FCHO2: variants seen among roughly 807,000 people sequenced by gnomAD.
FCHO2 encodes the protein FCH and mu domain containing endocytic adaptor 2.
In FCHO2, 43 loss-of-function variants were observed where a neutral mutation model predicts 114.1. That is an observed-to-expected ratio of 0.38 (90% CI 0.30 to 0.49). The LOEUF is 0.49. FCHO2 is among the 20% of genes least tolerant of loss of function. The pLI is 0.97. For missense variants in FCHO2, 807 were observed against 950.4 expected (o/e 0.85, Z 1.98); for synonymous variants, 293 against 315.2 (o/e 0.93, Z 0.75).
intron 6 of FCHO2, among the ~76,000 whole-genome samples, chr5:73,013,027 T>C (rs549699425): frequency 7.2e-5 from 11 of 152,298 alleles, no homozygotes; most frequent in South Asian, 2.1e-4. Context: ...TGAGAAAATA[T>C]CTTGTTTATT....
intron 2 of FCHO2, among the ~76,000 whole-genome samples, chr5:72,975,413 G>T (rs530381914): frequency 2.9e-4 from 44 of 151,978 alleles, no homozygotes; most frequent in Non-Finnish European, 5.7e-4. Context: ...TGTAACTTCT[G>T]CCCCCTGGAT....
chr5:72,964,114 G>A (rs928679545), intron 1 of FCHO2, among the ~76,000 whole-genome samples: 8 of 151,568 alleles, frequency 5.3e-5, no homozygotes, highest in Admixed American at 3.3e-4. Flanking sequence ...TACAGAAAAC[G>A]CAAAATATAT....
At chr5:72,962,822 G>T (rs1490964254) in intron 1 of FCHO2, among the ~76,000 whole-genome samples, 2 of 152,008 alleles carry the variant, frequency 1.3e-5, no homozygotes, top group African/African-American at 4.8e-5. Flanking sequence ...GAACCCGGGT[G>T]GCAGAGGTTG....
chr5:72,976,946 G>A (rs1374756510), intron 2 of FCHO2, among the ~76,000 whole-genome samples: 3 of 152,138 alleles, frequency 2.0e-5, no homozygotes, highest in African/African-American at 7.2e-5. Context: ...TCCCTGCAAA[G>A]GACATGAACT....
intron 1 of FCHO2, among the ~76,000 whole-genome samples, chr5:72,966,194 A>G (rs1042889293): frequency 6.6e-6 from 1 of 152,230 alleles, no homozygotes; most frequent in South Asian, 2.1e-4. Context: ...CTTGAGCAAC[A>G]TAGCGAGACC....
chr5:73,017,118 G>T, intron 7 of FCHO2, 94 bp from the exon 8 acceptor site: 1 of 721,616 alleles, frequency 1.4e-6, no homozygotes, highest in Non-Finnish European at 2.1e-6. Context: ...TACATATTTT[G>T]ATATAATTAA....
intron 2 of FCHO2, among the ~76,000 whole-genome samples, chr5:72,970,620 G>A (rs1752473199): frequency 6.6e-6 from 1 of 151,176 alleles, no homozygotes; most frequent in African/African-American, 2.4e-5. Context: ...TTTTCACAGG[G>A]TATCAGTCTC....
At chr5:73,042,399 A>ATCAATTAAAT (rs1756845513) in intron 11 of FCHO2, among the ~76,000 whole-genome samples, 1 of 152,160 alleles carries the variant, frequency 6.6e-6, no homozygotes, top group African/African-American at 2.4e-5. Flanking sequence ...GTAGCATTAA[A>ATCAATTAAAT]TTGATGATGT....
chr5:73,019,015 T>C (rs1755465604), intron 8 of FCHO2, among the ~76,000 whole-genome samples: 1 of 152,216 alleles, frequency 6.6e-6, no homozygotes, highest in Admixed American at 6.5e-5. Context: ...CACTGAAGTC[T>C]AAACTAAGCT....
chr5:72,961,768 AT>A (rs1751888305), intron 1 of FCHO2, among the ~76,000 whole-genome samples: 1 of 151,828 alleles, frequency 6.6e-6, no homozygotes, highest in Non-Finnish European at 1.5e-5. Flanking sequence ...CTAATTTTGT[AT>A]TTTTAGTAGA....
At chr5:73,085,918 T>A (rs564873662) in intron 24 of FCHO2, among the ~76,000 whole-genome samples, 1 of 151,922 alleles carries the variant, frequency 6.6e-6, no homozygotes, top group Admixed American at 6.6e-5. Flanking sequence ...AGGTCAGGAA[T>A]TCAAGACCAG....
At chr5:72,979,536 C>T (rs1449616444) in intron 2 of FCHO2, among the ~76,000 whole-genome samples, 4 of 149,886 alleles carry the variant, frequency 2.7e-5, no homozygotes, top group Middle Eastern at 3.4e-3. Context: ...GGACTACAGG[C>T]GCCCGCTACC....
intron 5 of FCHO2, among the ~76,000 whole-genome samples, chr5:72,993,229 A>G (rs1010988892): frequency 6.6e-6 from 1 of 152,108 alleles, no homozygotes; most frequent in Admixed American, 6.6e-5. Flanking sequence ...GCTAATTAGA[A>G]AACTTGGAAA....
chr5:73,074,086 C>T (rs929312588), intron 19 of FCHO2, among the ~76,000 whole-genome samples: 8 of 151,774 alleles, frequency 5.3e-5, no homozygotes, highest in African/African-American at 1.9e-4. Flanking sequence ...TGAACACTTG[C>T]ATAAATTTGT....
At chr5:73,080,737 GGT>G (rs1743065791) in intron 22 of FCHO2, among the ~76,000 whole-genome samples, 1 of 152,114 alleles carries the variant, frequency 6.6e-6, no homozygotes, top group Admixed American at 6.6e-5. Flanking sequence ...GTTTCTTACA[GGT>G]GTTCATTTAT....
intron 2 of FCHO2, among the ~76,000 whole-genome samples, chr5:72,971,733 T>C (rs1332162477): frequency 6.6e-6 from 1 of 152,242 alleles, no homozygotes; most frequent in Non-Finnish European, 1.5e-5. Context: ...TTTTGGCTTT[T>C]GTTGCCATTG....
chr5:73,044,387 T>C (rs1756957941), intron 11 of FCHO2, among the ~76,000 whole-genome samples: 1 of 152,164 alleles, frequency 6.6e-6, no homozygotes, highest in African/African-American at 2.4e-5. Context: ...CACAGGCATA[T>C]GCCACCATGC....
chr5:73,079,732 C>T (rs1743030354), intron 22 of FCHO2, among the ~76,000 whole-genome samples: 1 of 152,130 alleles, frequency 6.6e-6, no homozygotes, highest in Admixed American at 6.5e-5. Context: ...ATTGAAAATG[C>T]AATGATTGTG....
intron 8 of FCHO2, among the ~76,000 whole-genome samples, chr5:73,021,445 G>C (rs901928758): frequency 6.6e-6 from 1 of 152,122 alleles, no homozygotes; most frequent in Non-Finnish European, 1.5e-5. Context: ...ACTGCTTGCT[G>C]TTTCACATAC....
Sources: gnomAD v4.1 joint callset for allele counts (sites outside exome capture counted in the v4.1 genomes callset) on GRCh38, gnomAD v4.1.1 for gene constraint, MANE v1.5 for transcripts, NCBI Gene and HGNC (gene_info 2026-07-23, HGNC 2026-07-21) for gene names.